PRMT8: variants seen among roughly 807,000 people sequenced by gnomAD.
The protein encoded by PRMT8 is protein arginine N-methyltransferase 8.
PRMT8 carries 7 observed loss-of-function variants against 47.1 expected under a neutral mutation model. That is an observed-to-expected ratio of 0.15 (90% confidence interval 0.08 to 0.28). PRMT8 has a LOEUF of 0.28. PRMT8 is among the 10% of genes least tolerant of loss of function. The pLI, the probability that PRMT8 is intolerant of heterozygous loss-of-function variation, is 1.00. For missense variants in PRMT8, 237 were observed against 505.4 expected, an observed-to-expected ratio of 0.47 and a Z score of 5.09; for synonymous variants, 188 against 186.5, an observed-to-expected ratio of 1.01 and a Z score of -0.07.
intron 1 of PRMT8, among the ~76,000 whole-genome samples, chr12:3,414,859 C>G (rs77215769): frequency 2.0e-5 from 3 of 152,040 alleles, no homozygotes; most frequent in Non-Finnish European, 4.4e-5. Context: ...TGTATCCCCA[C>G]TGCTCAGTCG....
rs921437856 is a variant in PRMT8, at chr12:3,562,563, T to C, written c.482-6143T>C. Among the ~76,000 whole-genome samples the C allele has an allele frequency of 3.3e-5, 5 of 152,132 alleles. No homozygotes were observed. The East Asian group carries it at 5.8e-4, about 18-fold the overall frequency. ...GAAAATGGGGATGTGTTTTTTCCAA[T>C]TGGGTGGTTGCAGGGGCATGCTGGC... On this transcript the variant is annotated intron_variant, in intron 4 of 9. Transcript: ENST00000382622.
intron 1 of PRMT8, among the ~76,000 whole-genome samples, chr12:3,454,119 T>C (rs773767246): frequency 4.6e-5 from 7 of 152,110 alleles, no homozygotes; most frequent in Non-Finnish European, 1.0e-4. Flanking sequence ...CCATCTGACT[T>C]GGCTCTGTCT....
At chr12:3,563,089 G>A (rs1866663176) in intron 4 of PRMT8, among the ~76,000 whole-genome samples, 1 of 152,006 alleles carries the variant, frequency 6.6e-6, no homozygotes, top group African/African-American at 2.4e-5. Context: ...TGGACCACAG[G>A]TGGGGTTCTA....
chr12:3,577,037 G>A, intron 7 of PRMT8, 51 bp downstream of exon 7: 2 of 1,501,978 alleles, frequency 1.3e-6, no homozygotes, highest in Non-Finnish European at 1.9e-6. Context: ...GCCCCGCTGT[G>A]CCACCCTGGA....
At chr12:3,590,277 A>AT (rs1369257334) in intron 8 of PRMT8, among the ~76,000 whole-genome samples, 2 of 152,198 alleles carry the variant, frequency 1.3e-5, no homozygotes, top group African/African-American at 4.8e-5. Flanking sequence ...CATTTGATCA[A>AT]GCCAGTTCAT....
In PRMT8 at chr12:3,436,662, G is replaced by C. The variant is rs1020611482; in HGVS notation, c.48+55220G>C. Among the ~76,000 whole-genome samples the C allele has an allele frequency of 6.6e-6, 1 of 152,132 alleles. No homozygotes were observed. ...GGGTGCATGGCCATAATTGGGTTAC[G>C]GGGCTGCTAATATGATTGTGCTGCC... On this transcript the variant is annotated intron_variant, in intron 1 of 9. Coordinates refer to the PRMT8 transcript ENST00000452611. The surrounding 1 kb of genome is among the most constrained non-coding windows in gnomAD (Gnocchi z 4.2).
intron 9 of PRMT8, among the ~76,000 whole-genome samples, 165 bp downstream of exon 9, chr12:3,592,517 C>A (rs979195774): frequency 5.9e-5 from 9 of 152,100 alleles, no homozygotes; most frequent in Non-Finnish European, 5.9e-5. Flanking sequence ...AATTGAGGGA[C>A]TCAGGCTTGA....
intron 7 of PRMT8, among the ~76,000 whole-genome samples, chr12:3,579,154 A>T (rs1310080831): frequency 6.6e-6 from 1 of 152,232 alleles, no homozygotes; most frequent in Non-Finnish European, 1.5e-5. Flanking sequence ...TGTAGAATAG[A>T]TAGAAGTCCA....
intron 1 of PRMT8, among the ~76,000 whole-genome samples, chr12:3,433,498 T>G (rs555255544): frequency 2.0e-5 from 3 of 152,356 alleles, no homozygotes; most frequent in Admixed American, 6.5e-5. Flanking sequence ...ATCAGGAATC[T>G]GAGGCACTGA....
chr12:3,495,543 C>T (rs1865491629), intron 1 of PRMT8, among the ~76,000 whole-genome samples: 1 of 152,190 alleles, frequency 6.6e-6, no homozygotes, highest in Admixed American at 6.5e-5. Flanking sequence ...GCCATTTATC[C>T]TCTCTCCCCA....
chr12:3,592,644 C>T (rs1211988805), intron 9 of PRMT8, among the ~76,000 whole-genome samples: 2 of 152,124 alleles, frequency 1.3e-5, no homozygotes, highest in Non-Finnish European at 2.9e-5. Context: ...GGTCCTACCT[C>T]ATTTAGTAAG....
intron 1 of PRMT8, among the ~76,000 whole-genome samples, chr12:3,480,583 G>C (rs1865264188): frequency 6.6e-6 from 1 of 152,034 alleles, no homozygotes; most frequent in Admixed American, 6.6e-5. Flanking sequence ...CCTTCCCTGA[G>C]GTCTCCAGTA....
chr12:3,431,698 A>T (rs1049842617), intron 1 of PRMT8, among the ~76,000 whole-genome samples: 24 of 152,178 alleles, frequency 1.6e-4, no homozygotes, highest in Admixed American at 6.5e-5. Context: ...TCAAAGGAGA[A>T]GCTCCCTTCT....
At chr12:3,396,970 C>T (rs928637921) in intron 1 of PRMT8, among the ~76,000 whole-genome samples, 1 of 151,894 alleles carries the variant, frequency 6.6e-6, no homozygotes, top group Non-Finnish European at 1.5e-5. Context: ...ATTTCATCTT[C>T]CATCGCTGAT....
At chr12:3,507,223 G>A (rs1242547151) in intron 1 of PRMT8, among the ~76,000 whole-genome samples, 7 of 148,156 alleles carry the variant, frequency 4.7e-5, no homozygotes, top group Non-Finnish European at 8.9e-5. Flanking sequence ...CCGGGTTCAC[G>A]CCATTCTCCT....
chr12:3,544,887 A>C (rs1429001894), intron 2 of PRMT8, among the ~76,000 whole-genome samples: 2 of 152,202 alleles, frequency 1.3e-5, no homozygotes, highest in Non-Finnish European at 2.9e-5. Context: ...AAAATGGTGC[A>C]GTTTGGACGA....
chr12:3,521,844 C>T (rs999766325), intron 1 of PRMT8, among the ~76,000 whole-genome samples: 3 of 152,106 alleles, frequency 2.0e-5, no homozygotes, highest in Admixed American at 6.5e-5. Flanking sequence ...CTGCCACTGC[C>T]CTGAATGCGG....
chr12:3,417,368 T>G lies in PRMT8; in HGVS notation c.48+35926T>G, dbSNP rs561850657. 1.3e-3 allele frequency among the ~76,000 whole-genome samples: 205 copies of G among 152,308 alleles called. 1 individual carries two copies. The highest frequency in any genetic ancestry group is 4.5e-3 in the African/African-American group (189 of 41,568). The stretch of plus-strand genomic sequence containing the variant: ...TTCTCAGAGGCTGGGCTCATAGGAA[T>G]TAATTTGTGGAAAAGGGAGCCATGC... On this transcript the variant is annotated intron_variant, in intron 1 of 9. Coordinates refer to the PRMT8 transcript ENST00000452611.
rs530545181 is a variant in PRMT8 at position 3,564,968 on chromosome 12, T to G, written c.482-3738T>G. Among the ~76,000 whole-genome samples, 1 of 152,352 alleles carries G rather than the reference T, an allele frequency of 6.6e-6. No homozygotes were observed. The highest frequency in any genetic ancestry group is 1.5e-5 in the Non-Finnish European group (1 of 68,036). Reference sequence around the variant, plus strand: ...AAATTGAATCTGGAAGTTTAAGTGGTTGCTGGTGGTGACTACAGACTGCAG... The same window carrying G: ...AAATTGAATCTGGAAGTTTAAGTGGGTGCTGGTGGTGACTACAGACTGCAG... On this transcript the variant is annotated intron_variant, in intron 4 of 9. Coordinates refer to ENST00000382622, the MANE Select transcript of PRMT8 (RefSeq NM_019854.5). The surrounding 1 kb of genome is among the most constrained non-coding windows in gnomAD (Gnocchi z 4.0).
Sources: allele counts gnomAD v4.1 joint callset (sites outside exome capture counted in the v4.1 genomes callset), GRCh38; gene constraint gnomAD v4.1.1; non-coding constraint Gnocchi (gnomAD v3.1); transcripts MANE v1.5; gene names NCBI Gene and HGNC (gene_info 2026-07-23, HGNC 2026-07-21).